CATSPERB: variants seen among roughly 807,000 people sequenced by gnomAD.
The protein encoded by CATSPERB is catsper channel auxiliary subunit beta, also known as cation channel sperm-associated auxiliary subunit beta.
CATSPERB carries 93 observed loss-of-function variants against 128.3 expected under a neutral mutation model. The observed-to-expected ratio is 0.72, with a 90% CI of 0.61 to 0.86. The LOEUF (loss-of-function observed/expected upper bound fraction) is 0.86. CATSPERB is among the 40% of genes least tolerant of loss of function. CATSPERB has a pLI of 0.00. For synonymous variants in CATSPERB, 381 were observed against 448.8 expected (o/e 0.85, Z 1.91); for missense variants, 1,153 against 1,329.5 (o/e 0.87, Z 2.06).
At chr14:91,676,281 C>A (rs983173184) in intron 11 of CATSPERB, among the ~76,000 whole-genome samples, 1 of 152,062 alleles carries the variant, frequency 6.6e-6, no homozygotes, top group African/African-American at 2.4e-5. Context: ...CAACTCCTGG[C>A]AATCTAGTTG....
chr14:91,674,209 TG>T lies in CATSPERB; in HGVS notation c.944del (p.Thr315LysfsTer10). ...NREHFEVDYV[T>X]VTFERNRTLS... ...GGGTTCTGTTTCTCTCAAAGGTAAC[TG>T]TAACATAATCAACTGTGAAATAAAT... On this transcript the variant is annotated frameshift_variant, in exon 12 of 27. Coordinates refer to ENST00000256343, the MANE Select transcript of CATSPERB (RefSeq NM_024764.4). LOFTEE classifies it high-confidence loss of function. The T allele has an allele frequency of 6.5e-7, 1 of 1,540,352 alleles. No individual in the cohort carries two copies. The highest frequency in any genetic ancestry group is 8.9e-7 in the Non-Finnish European group (1 of 1,122,902).
rs905494278 is a variant in CATSPERB, at chr14:91,708,087, A to G, written c.466+54T>C. The stretch of plus-strand genomic sequence containing the variant: ...GAATCTGGCATATAGCGGATGTCAA[A>G]GTTTGTTGAAAGAATATATGAATTC... On this transcript the variant is annotated intron_variant, in intron 6 of 26. Coordinates refer to ENST00000256343, the MANE Select transcript of CATSPERB (RefSeq NM_024764.4). 1.3e-5 allele frequency: 16 copies of G among 1,228,186 alleles called. No homozygotes were observed. In the African/African-American group the frequency reaches 2.4e-4, roughly 18 times the overall value. 76.1% of individuals were successfully genotyped at this position (1,228,186 alleles called of 1,614,324 possible).
At chr14:91,655,253 C>A (rs1036532836) in intron 15 of CATSPERB, among the ~76,000 whole-genome samples, 2 of 152,170 alleles carry the variant, frequency 1.3e-5, no homozygotes, top group Admixed American at 1.3e-4. Flanking sequence ...AAAATAAATA[C>A]CAAACTCTTT....
chr14:91,684,646 A>T (rs1349707441), intron 10 of CATSPERB, among the ~76,000 whole-genome samples: 1 of 129,204 alleles, frequency 7.7e-6, no homozygotes, highest in Admixed American at 9.2e-5. Context: ...AAGGAGTCTT[A>T]CTCTGTTGCC....
At chr14:91,632,863 C>T (rs1490995516) in intron 17 of CATSPERB, among the ~76,000 whole-genome samples, 1 of 152,010 alleles carries the variant, frequency 6.6e-6, no homozygotes, top group Non-Finnish European at 1.5e-5. Flanking sequence ...AGAAAGGACA[C>T]TGTGACCTAC....
chr14:91,640,772 G>T (rs1304531172), intron 15 of CATSPERB, among the ~76,000 whole-genome samples: 44 of 76,846 alleles, frequency 5.7e-4, no homozygotes, highest in Non-Finnish European at 9.1e-4. Context: ...TAATGGGATG[G>T]CTGGGTCAAA....
rs758628523 is a variant in CATSPERB at position 91,634,651 on chromosome 14, GAT to G, written c.1742+1772_1742+1773del. Among the ~76,000 whole-genome samples, 713 of 113,712 alleles carry G rather than the reference GAT, an allele frequency of 6.3e-3. 14 individuals carry two copies. Among genetic ancestry groups the G allele is most frequent in the Middle Eastern group, 0.026 (6 of 228 alleles). The allele number at this position is 113,712 out of a possible 152,430, so 74.6% of individuals were successfully genotyped here. ...ACTGATGAGTGGATTTAAAAAATGTGATATATATATATATACATACACACACA... is the reference window on the plus strand; with the variant it reads ...ACTGATGAGTGGATTTAAAAAATGTGATATATATATATACATACACACACA... On this transcript the variant is annotated intron_variant, in intron 17 of 26. Coordinates refer to ENST00000256343, the MANE Select transcript of CATSPERB (RefSeq NM_024764.4).
At chr14:91,605,310 C>T in intron 22 of CATSPERB, 1 of 824,488 alleles carries the variant, frequency 1.2e-6, no homozygotes, top group South Asian at 1.5e-5. Context: ...CAAGCTGGAG[C>T]CACACTCATG....
Position 91,580,900 on chromosome 14 carries a change from A to T in CATSPERB, c.3340T>A (p.Ser1114Thr). The T allele has an allele frequency of 1.2e-6, 2 of 1,613,812 alleles. No individual in the cohort carries two copies. The change falls in exon 27 of 27, where the codon TCT (serine) becomes ACT (threonine). Residue 1114 changes from serine to threonine, a missense_variant. Coordinates refer to ENST00000256343, the MANE Select transcript of CATSPERB (RefSeq NM_024764.4). ...TGATCACCATGTGTTCACTCTTCAG[A>T]CTTTGATCTATGAATCAGCTCACTG... ...SLSELIHRSKSEE is the reference protein window; with the variant it reads ...SLSELIHRSKTEE
intron 15 of CATSPERB, 100 bp downstream of exon 15, chr14:91,659,737 T>C: frequency 8.7e-7 from 1 of 1,148,728 alleles, no homozygotes; most frequent in South Asian, 1.5e-5. Flanking sequence ...CTAATAGTTT[T>C]GAGGTCTTAG....
intron 3 of CATSPERB, among the ~76,000 whole-genome samples, chr14:91,724,322 C>G (rs1309648907): frequency 6.6e-6 from 1 of 152,064 alleles, no homozygotes; most frequent in Non-Finnish European, 1.5e-5. Flanking sequence ...CTTCCAAAGC[C>G]CATACTTTTT....
chr14:91,580,990 G>A lies in CATSPERB; in HGVS notation c.3250C>T (p.His1084Tyr). The A allele has an allele frequency of 6.2e-7, 1 of 1,614,166 alleles. No homozygotes were observed. The highest frequency in any genetic ancestry group is 1.3e-5 in the African/African-American group (1 of 75,046). The change falls in exon 27 of 27, where the codon CAT becomes TAT. Residue 1084 changes from histidine (H) to tyrosine (Y), a missense_variant. By Grantham distance (83) the His-to-Tyr change is moderately conservative (BLOSUM62 2). Coordinates refer to ENST00000256343, the MANE Select transcript of CATSPERB (RefSeq NM_024764.4). ...IAFMFQLQGI[H>Y]PWRTFQRWIR... ...CATCTTTGGAATGTCCTCCACGGAT[G>A]GATGCCTTGCAGTTGAAACATAAAT...
At chr14:91,630,771 A>G (rs1202200583) in intron 17 of CATSPERB, among the ~76,000 whole-genome samples, 1 of 152,218 alleles carries the variant, frequency 6.6e-6, no homozygotes, top group Admixed American at 6.5e-5. Flanking sequence ...CCTTTCAAAA[A>G]TGTAAATTGG....
Position 91,723,170 on chromosome 14 carries a change from T to C in CATSPERB, c.188A>G (p.Gln63Arg). ...LENLKIQCFFQTENEIASKAM... is the reference protein window; with the variant it reads ...LENLKIQCFFRTENEIASKAM... ...TTTTGATGCAATTTCATTTTCAGTT[T>C]GGAAGAAACACTGGATTTTCTTTAG... Residue 63 changes from glutamine to arginine, a missense_variant, in exon 4 of 27, where the codon CAA becomes CGA. Gln to Arg is a conservative substitution (Grantham distance 43). Coordinates refer to ENST00000256343, the MANE Select transcript of CATSPERB (RefSeq NM_024764.4). 6.7e-7 allele frequency: 1 copy of C among 1,487,744 alleles called. No homozygotes were observed. The highest frequency in any genetic ancestry group is 8.9e-7 in the Non-Finnish European group (1 of 1,120,678). 92.2% of individuals were successfully genotyped at this position (1,487,744 alleles called of 1,614,324 possible).
At position 91,639,257 on chromosome 14, in the gene CATSPERB, G is replaced by T. The variant is rs957942086; in HGVS notation, c.1433-7C>A. ...GCACTGTATCTTCCCATTCCTATTA[G>T]GAAATACAGAGAAGTGTCTTGATAC... On this transcript the variant is annotated splice_region_variant and splice_polypyrimidine_tract_variant and intron_variant, in intron 15 of 26. Transcript: ENST00000256343. The T allele has an allele frequency of 3.1e-6, 5 of 1,611,148 alleles. No homozygotes were observed. The highest frequency in any genetic ancestry group is 4.2e-6 in the Non-Finnish European group (5 of 1,178,804).
intron 20 of CATSPERB, among the ~76,000 whole-genome samples, chr14:91,614,343 C>T (rs967708791): frequency 1.3e-5 from 2 of 152,074 alleles, no homozygotes; most frequent in Non-Finnish European, 2.9e-5. Context: ...TTTAAATACC[C>T]AAAATGTTAA....
chr14:91,711,051 C>A (rs1373682240), intron 5 of CATSPERB, among the ~76,000 whole-genome samples: 2 of 152,138 alleles, frequency 1.3e-5, no homozygotes, highest in Admixed American at 1.3e-4. Context: ...AGGGGCTCAG[C>A]GTATGTGAAA....
At chr14:91,652,818 G>C (rs1216682270) in intron 15 of CATSPERB, among the ~76,000 whole-genome samples, 4 of 151,810 alleles carry the variant, frequency 2.6e-5, no homozygotes, top group Non-Finnish European at 4.4e-5. Context: ...TATAAAGTCT[G>C]ATCACCAGAA....
chr14:91,716,361 CCAGTGGAT>C (rs1895938420), intron 5 of CATSPERB, among the ~76,000 whole-genome samples: 1 of 152,136 alleles, frequency 6.6e-6, no homozygotes, highest in South Asian at 2.1e-4. Flanking sequence ...GAGGCTGAGG[CCAGTGGAT>C]CACCTGAGAC....
Sources: gnomAD v4.1 joint callset for allele counts (sites outside exome capture counted in the v4.1 genomes callset) on GRCh38, gnomAD v4.1.1 for gene constraint, MANE v1.5 for transcripts, NCBI Gene and HGNC (gene_info 2026-07-23, HGNC 2026-07-21) for gene names.